GRIA4: variants seen among roughly 807,000 people sequenced by gnomAD.
GRIA4 encodes the protein glutamate ionotropic receptor AMPA type subunit 4.
A neutral mutation model predicts 104.0 loss-of-function variants in GRIA4; 34 were observed. The observed-to-expected ratio is 0.33, with a 90% CI of 0.25 to 0.44. The LOEUF (loss-of-function observed/expected upper bound fraction) is 0.44. Among genes scored for constraint, GRIA4 ranks in the 20% least tolerant of loss-of-function variants. GRIA4 has a pLI of 1.00. For missense variants in GRIA4, 750 were observed against 1,096.5 expected (o/e 0.68, Z 4.46); for synonymous variants, 386 against 381.9 (o/e 1.01, Z -0.13).
intron 9 of GRIA4, among the ~76,000 whole-genome samples, chr11:105,907,349 C>T (rs1012202790): frequency 2.2e-4 from 33 of 152,140 alleles, no homozygotes; most frequent in African/African-American, 8.0e-4. Context: ...ACGATCAACT[C>T]GGGCATTGTG....
At chr11:105,853,999 C>G (rs1481513650) in intron 4 of GRIA4, among the ~76,000 whole-genome samples, 1 of 152,150 alleles carries the variant, frequency 6.6e-6, no homozygotes, top group Non-Finnish European at 1.5e-5. Flanking sequence ...AGTATTGTTT[C>G]ACAATGATCA....
At chr11:105,705,247 C>G (rs1245392307) in intron 3 of GRIA4, among the ~76,000 whole-genome samples, 1 of 152,028 alleles carries the variant, frequency 6.6e-6, no homozygotes, top group Non-Finnish European at 1.5e-5. Context: ...ATACCTCATA[C>G]TATACACCAG....
intron 3 of GRIA4, among the ~76,000 whole-genome samples, chr11:105,658,679 C>A (rs182264533): frequency 6.6e-6 from 1 of 151,934 alleles, no homozygotes; most frequent in East Asian, 1.9e-4. Context: ...TTGACATTAT[C>A]TTTACAAGAA....
chr11:105,839,563 T>C (rs1944317016), intron 4 of GRIA4, among the ~76,000 whole-genome samples: 1 of 151,860 alleles, frequency 6.6e-6, no homozygotes, highest in South Asian at 2.1e-4. Context: ...TTTATCAAAA[T>C]CTTTTATAAG....
In GRIA4 at chr11:105,702,494, T is replaced by A. The variant is rs1317277826; in HGVS notation, c.248-50487T>A. On this transcript the variant is annotated intron_variant, in intron 3 of 16. Coordinates refer to ENST00000282499, the MANE Select transcript of GRIA4 (RefSeq NM_000829.4). ...ATGAAAAACCAAAGAATAGGAAATA[T>A]CTACAACCAATGGTACCTAGATGGG... 5.9e-5 allele frequency among the ~76,000 whole-genome samples: 9 copies of A among 151,678 alleles called. No homozygotes were observed. The South Asian group carries it at 1.7e-3, about 28-fold the overall frequency.
At chr11:105,633,636 G>GT (rs1951097597) in intron 3 of GRIA4, among the ~76,000 whole-genome samples, 1 of 152,158 alleles carries the variant, frequency 6.6e-6, no homozygotes, top group Admixed American at 6.5e-5. Context: ...GTCTATAGAT[G>GT]TAACTCATTA....
At chr11:105,669,070 C>G (rs2135431982) in intron 3 of GRIA4, among the ~76,000 whole-genome samples, 1 of 152,036 alleles carries the variant, frequency 6.6e-6, no homozygotes, top group East Asian at 1.9e-4. Context: ...AAGTTGAAGT[C>G]ATTTTTATAG....
intron 10 of GRIA4, chr11:105,912,460 T>G (rs2136170325): frequency 1.0e-6 from 1 of 959,216 alleles, no homozygotes; most frequent in Non-Finnish European, 1.2e-6. Flanking sequence ...ATGGCTAGTT[T>G]TTAGGAAGCA....
chr11:105,732,097 C>G (rs76131124), intron 3 of GRIA4, among the ~76,000 whole-genome samples: 4,822 of 152,108 alleles, frequency 0.032, 94 homozygotes, highest in East Asian at 0.061. Flanking sequence ...ATATCAAGTG[C>G]AAAATAACAG....
intron 5 of GRIA4, among the ~76,000 whole-genome samples, chr11:105,876,211 C>A (rs1380457668): frequency 1.3e-5 from 2 of 151,918 alleles, no homozygotes; most frequent in Non-Finnish European, 2.9e-5. Context: ...AGTTTCCATG[C>A]AGTTGTGGGG....
intron 4 of GRIA4, among the ~76,000 whole-genome samples, chr11:105,807,599 GATTA>G (rs1431597600): frequency 6.6e-6 from 1 of 151,822 alleles, no homozygotes; most frequent in Non-Finnish European, 1.5e-5. Context: ...TGATAACTTT[GATTA>G]ATTTTCATTA....
chr11:105,665,119 G>C (rs1952125892), intron 3 of GRIA4, among the ~76,000 whole-genome samples: 1 of 151,904 alleles, frequency 6.6e-6, no homozygotes, highest in Non-Finnish European at 1.5e-5. Context: ...TACTAAAAAT[G>C]AAAATACACT....
chr11:105,694,844 C>T (rs1245472995), intron 3 of GRIA4, among the ~76,000 whole-genome samples: 2 of 152,144 alleles, frequency 1.3e-5, no homozygotes, highest in African/African-American at 4.8e-5. Context: ...ACACTAGCCA[C>T]ATTTCAAGTG....
chr11:105,825,238 T>C (rs1943724731), intron 4 of GRIA4, among the ~76,000 whole-genome samples: 1 of 152,000 alleles, frequency 6.6e-6, no homozygotes, highest in African/African-American at 2.4e-5. Flanking sequence ...AGTGGCCACA[T>C]TCATTTTTGA....
chr11:105,683,706 A>G (rs1952780855), intron 3 of GRIA4, among the ~76,000 whole-genome samples: 1 of 152,234 alleles, frequency 6.6e-6, no homozygotes, highest in Admixed American at 6.5e-5. Flanking sequence ...TCCTTTAGCA[A>G]GTAATACTCA....
intron 3 of GRIA4, among the ~76,000 whole-genome samples, chr11:105,614,808 G>C (rs1240139027): frequency 1.3e-5 from 2 of 151,856 alleles, no homozygotes; most frequent in Non-Finnish European, 2.9e-5. Flanking sequence ...CAGGTGATTG[G>C]TGTTTGTTGA....
In GRIA4 at chr11:105,901,515, C is replaced by T. The variant is rs694854; in HGVS notation, c.886-2299C>T. 1.3e-3 allele frequency among the ~76,000 whole-genome samples: 204 copies of T among 152,258 alleles called. 1 individual carries two copies. The highest frequency in any genetic ancestry group is 4.5e-3 in the African/African-American group (189 of 41,550). On this transcript the variant is annotated intron_variant, in intron 7 of 16. Transcript: ENST00000282499. ...ATTAGTAAGAATATTCTAGGTGCCA[C>T]CTAGAACTTGTCAGCCCCTAACTGT...
intron 5 of GRIA4, among the ~76,000 whole-genome samples, chr11:105,880,905 AG>A: frequency 6.6e-6 from 1 of 152,166 alleles, no homozygotes; most frequent in East Asian, 1.9e-4. Flanking sequence ...AGCCAACAAA[AG>A]TATTTTTTTA....
At chr11:105,623,995 C>T (rs1226997523) in intron 3 of GRIA4, among the ~76,000 whole-genome samples, 6 of 151,970 alleles carry the variant, frequency 3.9e-5, no homozygotes, top group Non-Finnish European at 8.8e-5. Flanking sequence ...TTGGGGCATC[C>T]TTCAAATAGC....
Sources: allele counts gnomAD v4.1 joint callset (sites outside exome capture counted in the v4.1 genomes callset), GRCh38; gene constraint gnomAD v4.1.1; transcripts MANE v1.5; gene names NCBI Gene and HGNC (gene_info 2026-07-23, HGNC 2026-07-21).